The following YAP1 variants were observed in gnomAD, a reference collection of about 807,000 sequenced individuals.
YAP1 encodes the protein Yes1 associated transcriptional regulator.
In YAP1, 5 loss-of-function variants were observed where a neutral mutation model predicts 56.9. That is an observed-to-expected ratio of 0.09 (90% CI 0.05 to 0.18). The LOEUF is 0.18. YAP1 is among the 10% of genes least tolerant of loss of function. The pLI, the probability that YAP1 is intolerant of heterozygous loss-of-function variation, is 1.00. For missense variants in YAP1, 539 were observed against 651.8 expected, an observed-to-expected ratio of 0.83 and a Z score of 1.88; for synonymous variants, 265 against 248.1, an observed-to-expected ratio of 1.07 and a Z score of -0.64.
intron 6 of YAP1, among the ~76,000 whole-genome samples, chr11:102,223,253 CAAAAA>C (rs1013718662): frequency 3.8e-5 from 2 of 52,460 alleles, no homozygotes; most frequent in African/African-American, 1.3e-4. Flanking sequence ...TCTTGAAGAA[CAAAAA>C]AAAAAAAAAA....
At chr11:102,214,378 T>TA (rs1274170487) in intron 6 of YAP1, among the ~76,000 whole-genome samples, 1 of 152,208 alleles carries the variant, frequency 6.6e-6, no homozygotes, top group Non-Finnish European at 1.5e-5. Flanking sequence ...ATGAGGATAT[T>TA]ATACTGCACC....
At chr11:102,226,792 C>T (rs940578847) in intron 7 of YAP1, among the ~76,000 whole-genome samples, 7 of 152,098 alleles carry the variant, frequency 4.6e-5, no homozygotes, top group African/African-American at 7.2e-5. Flanking sequence ...TTTCCCGTTT[C>T]GTTTCGTACT....
At chr11:102,134,696 G>A (rs1944570581) in intron 2 of YAP1, among the ~76,000 whole-genome samples, 1 of 151,764 alleles carries the variant, frequency 6.6e-6, no homozygotes, top group African/African-American at 2.4e-5. Context: ...GGTAACTTCT[G>A]GCCTTTTATT....
chr11:102,161,161 C>T (rs780809777), intron 2 of YAP1, among the ~76,000 whole-genome samples: 27 of 147,104 alleles, frequency 1.8e-4, no homozygotes, highest in South Asian at 8.6e-4. Flanking sequence ...CCCAGGTTCT[C>T]GCCATTCTCC....
chr11:102,228,892 C>T (rs928549235), intron 8 of YAP1, among the ~76,000 whole-genome samples: 6 of 152,092 alleles, frequency 3.9e-5, no homozygotes. Context: ...CATCCAGCTC[C>T]TGGCTTTGAT....
chr11:102,223,276 GA>G (rs1950040009), intron 6 of YAP1, among the ~76,000 whole-genome samples: 1 of 146,712 alleles, frequency 6.8e-6, no homozygotes, highest in Admixed American at 6.7e-5. Flanking sequence ...AAAAAAAGAA[GA>G]ATTTTTTTTT....
chr11:102,195,073 C>G (rs1948504363), intron 4 of YAP1, among the ~76,000 whole-genome samples: 1 of 152,066 alleles, frequency 6.6e-6, no homozygotes, highest in Non-Finnish European at 1.5e-5. Context: ...TCTACAGTCT[C>G]ATTATCTGAA....
intron 2 of YAP1, 109 bp from the exon 3 acceptor site, chr11:102,162,347 A>G (rs1946341630): frequency 5.9e-6 from 5 of 844,032 alleles, no homozygotes; most frequent in Non-Finnish European, 9.8e-6. Flanking sequence ...CTGTGACTTA[A>G]TGCTTTTACA....
At chr11:102,181,425 G>A (rs573426923) in intron 3 of YAP1, among the ~76,000 whole-genome samples, 1 of 152,004 alleles carries the variant, frequency 6.6e-6, no homozygotes, top group Non-Finnish European at 1.5e-5. Context: ...CAGCCTGGGT[G>A]GCAGAGCGAG....
At chr11:102,147,684 T>C (rs1213066336) in intron 2 of YAP1, among the ~76,000 whole-genome samples, 1 of 152,176 alleles carries the variant, frequency 6.6e-6, no homozygotes, top group Non-Finnish European at 1.5e-5. Context: ...TGTGATATTA[T>C]TTTTATTTTT....
intron 4 of YAP1, among the ~76,000 whole-genome samples, chr11:102,193,058 T>A (rs1948380731): frequency 6.6e-6 from 1 of 152,208 alleles, no homozygotes; most frequent in Non-Finnish European, 1.5e-5. Context: ...GATGCCTTGT[T>A]GGTACACTTT....
chr11:102,216,368 A>C (rs1480955609), intron 6 of YAP1, among the ~76,000 whole-genome samples: 1 of 152,232 alleles, frequency 6.6e-6, no homozygotes, highest in Non-Finnish European at 1.5e-5. Context: ...ATGGGTAAGC[A>C]TGAAGTCAAA....
chr11:102,134,354 G>A (rs919544988), intron 2 of YAP1, among the ~76,000 whole-genome samples: 2 of 151,956 alleles, frequency 1.3e-5, no homozygotes, highest in Non-Finnish European at 2.9e-5. Flanking sequence ...ATGGAATTAT[G>A]TGCAGATATA....
At chr11:102,165,374 A>C (rs139361088) in intron 3 of YAP1, among the ~76,000 whole-genome samples, 37 of 152,204 alleles carry the variant, frequency 2.4e-4, no homozygotes, top group African/African-American at 8.2e-4. Flanking sequence ...ACAACAACAA[A>C]AATTTTTGTC....
At chr11:102,150,163 T>C (rs1256764236) in intron 2 of YAP1, among the ~76,000 whole-genome samples, 1 of 152,024 alleles carries the variant, frequency 6.6e-6, no homozygotes, top group African/African-American at 2.4e-5. Context: ...TTTGTATTTT[T>C]ACTAGAGACG....
At chr11:102,134,827 G>A (rs1944579672) in intron 2 of YAP1, among the ~76,000 whole-genome samples, 1 of 152,136 alleles carries the variant, frequency 6.6e-6, no homozygotes, top group African/African-American at 2.4e-5. Context: ...TCTGGCCTCA[G>A]CCTCCTGAGT....
At chr11:102,167,156 C>T (rs564260462) in intron 3 of YAP1, among the ~76,000 whole-genome samples, 4 of 152,214 alleles carry the variant, frequency 2.6e-5, no homozygotes, top group African/African-American at 9.6e-5. Flanking sequence ...TCACCCAAAA[C>T]AAAGATGCAC....
intron 4 of YAP1, among the ~76,000 whole-genome samples, chr11:102,187,048 C>T (rs1217681947): frequency 1.3e-5 from 2 of 152,048 alleles, no homozygotes; most frequent in African/African-American, 4.8e-5. Flanking sequence ...AGGGTTTGAC[C>T]TAACAACAAC....
intron 2 of YAP1, among the ~76,000 whole-genome samples, chr11:102,133,777 T>TA (rs1372941098): frequency 6.6e-6 from 1 of 152,218 alleles, no homozygotes; most frequent in African/African-American, 2.4e-5. Flanking sequence ...CTAGTTATCT[T>TA]AGTCAGCTTG....
Sources: gnomAD v4.1 joint callset for allele counts (sites outside exome capture counted in the v4.1 genomes callset) on GRCh38, gnomAD v4.1.1 for gene constraint, MANE v1.5 for transcripts, NCBI Gene and HGNC (gene_info 2026-07-23, HGNC 2026-07-21) for gene names.